Variants in DNAH7 observed in about 807,000 individuals in gnomAD.
DNAH7 encodes axonemal beta dynein heavy chain 7.
Under a neutral mutation model 444.6 loss-of-function variants are expected in DNAH7, and 397 were observed. The ratio of observed to expected loss-of-function variants is 0.89; its 90% CI spans 0.82 to 0.97. The LOEUF is 0.97. DNAH7 is among the 50% of genes least tolerant of loss of function. The probability of loss-of-function intolerance (pLI) is 0.00; values close to 1 mark genes in which losing one functional copy is unlikely to be tolerated. For synonymous variants in DNAH7, 1,636 were observed against 1,624.4 expected (o/e 1.01, Z -0.17); for missense variants, 4,902 against 4,800.8 (o/e 1.02, Z -0.62).
At chr2:195,976,545 C>T (rs1692194540) in intron 15 of DNAH7, among the ~76,000 whole-genome samples, 5 of 151,984 alleles carry the variant, frequency 3.3e-5, no homozygotes, top group Admixed American at 3.3e-4. Context: ...TCACCATCTG[C>T]CAATTGTAGA....
At position 195,888,273 on chromosome 2, in the gene DNAH7, A is replaced by T. The variant is rs777576721; in HGVS notation, c.5391T>A (p.Ile1797=). 6.2e-6 allele frequency: 10 copies of T among 1,609,328 alleles called. No individual in the cohort carries two copies. In the Admixed American group the frequency reaches 1.7e-4, roughly 27 times the overall value. Residue 1797 remains isoleucine (I), a synonymous_variant, in exon 33 of 65, where the codon ATT becomes ATA. Transcript: ENST00000312428. ...DRMVPVSVEF[I]RKHTKELSPT... ...TTTCCCTTACCTTTGTATGCTTTCT[A>T]ATAAATTCAACCGAAACAGGGACCA... is the stretch of plus-strand genomic sequence containing the variant.
intron 24 of DNAH7, among the ~76,000 whole-genome samples, chr2:195,911,072 T>C (rs1459209332): frequency 1.3e-5 from 2 of 152,164 alleles, no homozygotes; most frequent in Admixed American, 6.5e-5. Flanking sequence ...AAACAATCAC[T>C]ACTAAAACCA....
intron 19 of DNAH7, among the ~76,000 whole-genome samples, chr2:195,954,041 T>C (rs1312405016): frequency 1.3e-5 from 2 of 152,288 alleles, no homozygotes; most frequent in Non-Finnish European, 2.9e-5. Flanking sequence ...ATTTTATTAA[T>C]TATACTTTAA....
chr2:195,749,959 G>A (rs1330021877), intron 63 of DNAH7, among the ~76,000 whole-genome samples: 1 of 151,626 alleles, frequency 6.6e-6, no homozygotes, highest in Non-Finnish European at 1.5e-5. Flanking sequence ...TTGTGCACAT[G>A]TACTCTAAAA....
intron 63 of DNAH7, chr2:195,741,167 T>C (rs192632329): frequency 7.4e-4 from 121 of 164,018 alleles, no homozygotes; most frequent in African/African-American, 2.8e-3. Flanking sequence ...ATCAAATTTA[T>C]ATTGTTAATT....
Position 195,922,101 on chromosome 2 carries a change from C to G in DNAH7, c.3922G>C (p.Asp1308His), listed in dbSNP as rs773295727. 6.3e-7 allele frequency: 1 copy of G among 1,595,098 alleles called. No individual in the cohort carries two copies. The highest frequency in any genetic ancestry group is 8.6e-7 in the Non-Finnish European group (1 of 1,162,832). The change falls in exon 24 of 65, where the codon GAT becomes CAT. Residue 1308 changes from aspartate (D) to histidine (H), a missense_variant. By Grantham distance (81) the Asp-to-His change is moderately conservative (BLOSUM62 -1). Coordinates refer to ENST00000312428, the MANE Select transcript of DNAH7 (RefSeq NM_018897.3). ...SPRLVITPLT[D>H]RCYRTLFGAL... is the part of the protein sequence containing the mutation. ...TAAAGGGTTTACCTGTAACATCTAT[C>G]CGTGAGTGGTGTAATAACCAGCCTA...
intron 30 of DNAH7, chr2:195,892,379 G>C (rs1312855054): frequency 7.2e-5 from 11 of 151,916 alleles, no homozygotes; most frequent in African/African-American, 2.2e-4. Flanking sequence ...ATTTCTTGTG[G>C]AGTGAAAAAG....
intron 17 of DNAH7, among the ~76,000 whole-genome samples, chr2:195,963,622 C>G (rs890701291): frequency 1.3e-5 from 2 of 152,198 alleles, no homozygotes; most frequent in South Asian, 4.2e-4. Flanking sequence ...GGATGTGATC[C>G]CATTTGTCCA....
intron 64 of DNAH7, among the ~76,000 whole-genome samples, chr2:195,740,198 T>G (rs1011870235): frequency 2.6e-5 from 4 of 152,172 alleles, no homozygotes; most frequent in African/African-American, 9.7e-5. Flanking sequence ...TTGGTCAGGC[T>G]GGTCTCAAAC....
chr2:196,012,827 T>C lies in DNAH7; in HGVS notation c.949A>G (p.Met317Val). The change falls in exon 10 of 65, where the codon ATG (methionine) becomes GTG (valine). Residue 317 changes from methionine to valine, a missense_variant. Transcript: ENST00000312428. The stretch of plus-strand genomic sequence containing the variant: ...TCTTTGGCAGAGTCCATGTGTCTCA[T>C]GATAATGTTCTGAAAACTTGACAGC... ...LELSSFQNIIMRHMDSAKETL... is the reference protein window; with the variant it reads ...LELSSFQNIIVRHMDSAKETL... 1 of 1,586,594 alleles carries C rather than the reference T, an allele frequency of 6.3e-7. No homozygotes were observed. The highest frequency in any genetic ancestry group is 8.6e-7 in the Non-Finnish European group (1 of 1,167,816).
chr2:195,778,719 C>CAT (rs1235522747), intron 58 of DNAH7, among the ~76,000 whole-genome samples: 2,224 of 46,570 alleles, frequency 0.048, 39 homozygotes, highest in Non-Finnish European at 0.073. Context: ...TATATATACA[C>CAT]ATATATATAT....
chr2:195,841,899 T>C (rs1003677351), intron 47 of DNAH7, among the ~76,000 whole-genome samples: 2 of 152,000 alleles, frequency 1.3e-5, no homozygotes, highest in African/African-American at 4.8e-5. Context: ...TTTGAAAACA[T>C]GGACTTCTAA....
Position 196,038,584 on chromosome 2 carries a change from C to T in DNAH7, c.398+8768G>A, listed in dbSNP as rs185518508. Among the ~76,000 whole-genome samples, 217 of 152,214 alleles carry T rather than the reference C, an allele frequency of 1.4e-3. 1 individual carries two copies. The highest frequency in any genetic ancestry group is 5.0e-3 in the African/African-American group (208 of 41,554). On this transcript the variant is annotated intron_variant, in intron 5 of 64. Transcript: ENST00000312428. Reference sequence around the variant, plus strand: ...AAAAACAAAACCCAACTATATGCTGCTGACAAGAAACTCACTTCACCTGTA... The same window carrying T: ...AAAAACAAAACCCAACTATATGCTGTTGACAAGAAACTCACTTCACCTGTA...
At chr2:196,040,595 G>A (rs1039948248) in intron 5 of DNAH7, among the ~76,000 whole-genome samples, 33 of 152,182 alleles carry the variant, frequency 2.2e-4, no homozygotes, top group African/African-American at 7.7e-4. Flanking sequence ...GGCCATATAT[G>A]ACAAATCTGC....
At chr2:195,808,946 A>G in intron 52 of DNAH7, 70 bp from the exon 53 acceptor site, 1 of 1,358,866 alleles carries the variant, frequency 7.4e-7, no homozygotes, top group Non-Finnish European at 1.0e-6. Flanking sequence ...TACAACCATT[A>G]TAAAAGAGTT....
intron 46 of DNAH7, among the ~76,000 whole-genome samples, chr2:195,847,252 T>C (rs1349130118): frequency 1.3e-5 from 2 of 151,368 alleles, no homozygotes; most frequent in African/African-American, 4.9e-5. Context: ...CTATTCACAA[T>C]AGCAAAGACA....
chr2:196,045,103 G>A (rs1697016643), intron 5 of DNAH7, among the ~76,000 whole-genome samples: 1 of 150,490 alleles, frequency 6.6e-6, no homozygotes, highest in African/African-American at 2.4e-5. Flanking sequence ...AGGAGAAGGT[G>A]AAGGAGGAGG....
intron 15 of DNAH7, among the ~76,000 whole-genome samples, chr2:195,976,955 A>C (rs1692254906): frequency 6.6e-6 from 1 of 152,212 alleles, no homozygotes; most frequent in Admixed American, 6.5e-5. Context: ...CAGACACAGA[A>C]GAAGTGACCA....
intron 12 of DNAH7, among the ~76,000 whole-genome samples, chr2:195,990,436 G>GC: frequency 6.6e-6 from 1 of 152,170 alleles, no homozygotes; most frequent in South Asian, 2.1e-4. Flanking sequence ...GCCAAGGCAG[G>GC]CAGATCACTT....
Sources: gnomAD v4.1 joint callset for allele counts (sites outside exome capture counted in the v4.1 genomes callset) on GRCh38, gnomAD v4.1.1 for gene constraint, MANE v1.5 for transcripts, NCBI Gene and HGNC (gene_info 2026-07-23, HGNC 2026-07-21) for gene names.